Variants in SNX24 observed in about 807,000 individuals in gnomAD.
SNX24 encodes the protein sorting nexin-24.
SNX24 carries 22 observed loss-of-function variants against 28.7 expected under a neutral mutation model. The observed-to-expected ratio is 0.77, with a 90% CI of 0.55 to 1.10. The LOEUF is 1.10. Ranked by LOEUF, SNX24 falls within the 50% of genes least tolerant of loss-of-function variation. The pLI is 0.00. For missense variants in SNX24, 221 were observed against 201.1 expected, an observed-to-expected ratio of 1.10 and a Z score of -0.60; for synonymous variants, 69 against 71.5, an observed-to-expected ratio of 0.96 and a Z score of 0.18.
At chr5:122,863,564 A>T (rs2150044812) in intron 1 of SNX24, among the ~76,000 whole-genome samples, 1 of 148,794 alleles carries the variant, frequency 6.7e-6, no homozygotes, top group Middle Eastern at 3.5e-3. Flanking sequence ...ACAAGGTCTT[A>T]CTTTGTGGCC....
chr5:122,851,410 A>T (rs567785966), intron 1 of SNX24, among the ~76,000 whole-genome samples: 14 of 152,062 alleles, frequency 9.2e-5, no homozygotes, highest in Admixed American at 9.2e-4. Context: ...CAAGTGATCC[A>T]CATGCCTCAG....
chr5:122,956,160 A>T (rs1405116833), intron 3 of SNX24, among the ~76,000 whole-genome samples: 5 of 151,968 alleles, frequency 3.3e-5, no homozygotes, highest in Non-Finnish European at 7.4e-5. Context: ...GATAAAATTC[A>T]TCACTGTGTA....
intron 1 of SNX24, among the ~76,000 whole-genome samples, chr5:122,935,752 A>G (rs1159254382): frequency 1.3e-5 from 2 of 152,220 alleles, no homozygotes; most frequent in Admixed American, 1.3e-4. Context: ...TTTTATTTTT[A>G]GACTAAAAGT....
chr5:122,907,831 C>T (rs536320473), intron 1 of SNX24, among the ~76,000 whole-genome samples: 126 of 151,258 alleles, frequency 8.3e-4, no homozygotes, highest in Middle Eastern at 6.9e-3. Flanking sequence ...TTCTTAACAC[C>T]GTGGTATAAA....
At chr5:122,903,467 C>T (rs974234766) in intron 1 of SNX24, among the ~76,000 whole-genome samples, 1 of 152,194 alleles carries the variant, frequency 6.6e-6, no homozygotes, top group Non-Finnish European at 1.5e-5. Context: ...CCAACTTTTG[C>T]ACTGTGTTTT....
At chr5:122,981,759 C>A (rs747322855) in intron 3 of SNX24, among the ~76,000 whole-genome samples, 63 of 152,196 alleles carry the variant, frequency 4.1e-4, no homozygotes, top group Non-Finnish European at 8.8e-4. Flanking sequence ...CTCACTGCAA[C>A]CTCTGCCTCC....
At chr5:122,897,638 T>C (rs1757260719) in intron 1 of SNX24, among the ~76,000 whole-genome samples, 1 of 152,214 alleles carries the variant, frequency 6.6e-6, no homozygotes, top group South Asian at 2.1e-4. Context: ...AAAATTAACG[T>C]GCAATGAATA....
chr5:122,943,152 C>T (rs1431063583), intron 2 of SNX24, among the ~76,000 whole-genome samples: 1 of 152,114 alleles, frequency 6.6e-6, no homozygotes, highest in Non-Finnish European at 1.5e-5. Context: ...TATTCCCCTG[C>T]AAGCAATTCT....
At chr5:122,877,019 A>C (rs1480862556) in intron 1 of SNX24, among the ~76,000 whole-genome samples, 1 of 152,206 alleles carries the variant, frequency 6.6e-6, no homozygotes, top group Admixed American at 6.5e-5. Flanking sequence ...GAGGTCCCTG[A>C]GGAGGACTAC....
intron 1 of SNX24, chr5:122,853,715 TG>T: frequency 2.4e-6 from 1 of 408,518 alleles, no homozygotes; most frequent in Non-Finnish European, 5.0e-6. Flanking sequence ...CCTGAACTCC[TG>T]GTCTCAAGCG....
At chr5:122,945,928 A>G (rs1759661414) in intron 2 of SNX24, 127 bp from the exon 3 acceptor site, 2 of 519,678 alleles carry the variant, frequency 3.8e-6, no homozygotes, top group South Asian at 6.5e-5. Context: ...ATTTTCCTCT[A>G]TTTTTTATTG....
intron 1 of SNX24, among the ~76,000 whole-genome samples, chr5:122,848,064 G>A (rs928683800): frequency 1.3e-5 from 2 of 151,806 alleles, no homozygotes; most frequent in Non-Finnish European, 2.9e-5. Context: ...GTACACTTTC[G>A]TGTAAAAAAT....
intron 5 of SNX24, among the ~76,000 whole-genome samples, chr5:123,027,133 G>T (rs562290178): frequency 4.1e-4 from 63 of 152,238 alleles, no homozygotes; most frequent in Non-Finnish European, 5.9e-5. Flanking sequence ...GGCAGAGGTT[G>T]TAGTGAGCCA....
chr5:122,933,955 G>A (rs753980082), intron 1 of SNX24, among the ~76,000 whole-genome samples: 6 of 151,492 alleles, frequency 4.0e-5, no homozygotes, highest in Non-Finnish European at 8.8e-5. Context: ...GCTAATTTTT[G>A]TGTTTTTAGT....
downstream of SNX24, among the ~76,000 whole-genome samples, chr5:123,009,846 C>G (rs905491018): frequency 6.6e-6 from 1 of 152,194 alleles, no homozygotes; most frequent in Non-Finnish European, 1.5e-5. Context: ...ACTGACCTGC[C>G]TGGGGAGCTA....
chr5:122,945,462 A>G (rs998621739), intron 2 of SNX24, among the ~76,000 whole-genome samples: 5 of 152,212 alleles, frequency 3.3e-5, no homozygotes, highest in Non-Finnish European at 5.9e-5. Flanking sequence ...ATTATCCCCT[A>G]AAACTGCTGT....
In SNX24 at chr5:122,904,765, C is replaced by T. The variant is rs908182396; in HGVS notation, c.61-31969C>T. 2.2e-4 allele frequency among the ~76,000 whole-genome samples: 34 copies of T among 152,212 alleles called. 2 individuals carry two copies. Among genetic ancestry groups the T allele is most frequent in the African/African-American group, 5.5e-4 (23 of 41,542 alleles). ...GAACATGTCAACTAAGAAAGCTAAA[C>T]GTTTCACATTGATAATAAATCTGAG... On this transcript the variant is annotated intron_variant, in intron 1 of 6. Transcript: ENST00000261369.
chr5:122,882,378 T>C (rs1581701329), intron 1 of SNX24, among the ~76,000 whole-genome samples: 1 of 152,356 alleles, frequency 6.6e-6, no homozygotes, highest in Non-Finnish European at 1.5e-5. Context: ...ATTTAGAGTA[T>C]ATGGTAGAGC....
chr5:122,952,845 GCT>G (rs1270770036), intron 3 of SNX24, among the ~76,000 whole-genome samples: 1 of 152,126 alleles, frequency 6.6e-6, no homozygotes, highest in Non-Finnish European at 1.5e-5. Flanking sequence ...TTCAGTAGAT[GCT>G]CTCTCTAGTT....
Sources: allele counts gnomAD v4.1 joint callset (sites outside exome capture counted in the v4.1 genomes callset), GRCh38; gene constraint gnomAD v4.1.1; transcripts MANE v1.5; gene names NCBI Gene and HGNC (gene_info 2026-07-23, HGNC 2026-07-21).